The following CLDN16 variants were observed in gnomAD, a reference collection of about 807,000 sequenced individuals.
CLDN16 encodes claudin 16.
Under a neutral mutation model 24.6 loss-of-function variants are expected in CLDN16, and 13 were observed. The observed-to-expected ratio is 0.53, with a 90% CI of 0.34 to 0.84. CLDN16 has a LOEUF of 0.84. Among genes scored for constraint, CLDN16 ranks in the 40% least tolerant of loss-of-function variants. The probability of loss-of-function intolerance (pLI) is 0.01; values close to 1 mark genes in which losing one functional copy is unlikely to be tolerated. For synonymous variants in CLDN16, 116 were observed against 106.7 expected (o/e 1.09, Z -0.54); for missense variants, 298 against 292.7 (o/e 1.02, Z -0.13).
intron 1 of CLDN16, among the ~76,000 whole-genome samples, chr3:190,341,807 C>G (rs1717444992): frequency 6.6e-6 from 1 of 152,172 alleles, no homozygotes; most frequent in South Asian, 2.1e-4. Flanking sequence ...GCACTCAAGT[C>G]ACCTCTTGAA....
rs373271482 is a variant in CLDN16, at chr3:190,372,775, CAT to C, written n.231-1751_231-1750del. On this transcript the variant is annotated intron_variant and non_coding_transcript_variant, in intron 2 of 4. Transcript: ENST00000468220. ...CTTCAATCCTCTCCTTAAAGGAAAA[CAT>C]AAAAGCAGTCATTTGTCAAAGGCCT... Among the ~76,000 whole-genome samples the C allele has an allele frequency of 2.4e-4, 36 of 152,046 alleles. No homozygotes were observed. In the East Asian group the frequency reaches 4.5e-3, roughly 19 times the overall value.
At chr3:190,331,794 G>A (rs1717185040) in intron 1 of CLDN16, among the ~76,000 whole-genome samples, 1 of 152,164 alleles carries the variant, frequency 6.6e-6, no homozygotes, top group Non-Finnish European at 1.5e-5. Context: ...GTTATTTGCA[G>A]TTCTGTAGTT....
At chr3:190,353,553 A>G (rs73192432) in intron 1 of CLDN16, among the ~76,000 whole-genome samples, 1,975 of 152,228 alleles carry the variant, frequency 0.013, 21 homozygotes, top group Non-Finnish European at 0.019. Context: ...TGTGATCAAG[A>G]TGAAATAAAC....
At chr3:190,350,417 A>G (rs571515329) in intron 1 of CLDN16, among the ~76,000 whole-genome samples, 4 of 151,358 alleles carry the variant, frequency 2.6e-5, no homozygotes, top group Non-Finnish European at 5.9e-5. Flanking sequence ...TAAAGATATT[A>G]AAAATGACAA....
At chr3:190,356,842 T>C (rs906597304) in intron 1 of CLDN16, among the ~76,000 whole-genome samples, 4 of 152,038 alleles carry the variant, frequency 2.6e-5, no homozygotes, top group Middle Eastern at 3.4e-3. Context: ...AGGTTGAAAA[T>C]ATTTTATTAT....
the CLDN16 span, among the ~76,000 whole-genome samples, chr3:190,298,348 TAC>T: frequency 0.15 from 21,626 of 147,810 alleles, 1,701 homozygotes; most frequent in Non-Finnish European, 0.17. Flanking sequence ...ATGTATATTA[TAC>T]ACACACACAC....
At chr3:190,294,689 C>T in the CLDN16 span, among the ~76,000 whole-genome samples, 2 of 151,988 alleles carry the variant, frequency 1.3e-5, no homozygotes, top group African/African-American at 4.8e-5. Flanking sequence ...ACAATTTCTT[C>T]TGAAGAACAT....
At chr3:190,313,249 C>T in the CLDN16 span, 6 of 566,726 alleles carry the variant, frequency 1.1e-5, no homozygotes. Context: ...AAAAAGAGAT[C>T]CCTCCACTCC....
At chr3:190,310,230 C>T in the CLDN16 span, 1 of 1,613,542 alleles carries the variant, frequency 6.2e-7, no homozygotes, top group Non-Finnish European at 8.5e-7. Flanking sequence ...CCATACCATG[C>T]TGTGGCAACT....
intron 1 of CLDN16, among the ~76,000 whole-genome samples, chr3:190,391,572 GT>G (rs762106087): frequency 9.9e-5 from 15 of 152,162 alleles, no homozygotes; most frequent in Non-Finnish European, 1.6e-4. Flanking sequence ...TTGAAACGAT[GT>G]AAAGCATTTC....
At chr3:190,312,142 G>T in the CLDN16 span, among the ~76,000 whole-genome samples, 1 of 151,686 alleles carries the variant, frequency 6.6e-6, no homozygotes, top group Non-Finnish European at 1.5e-5. Flanking sequence ...TGTTGGCCAG[G>T]CTGGTCTTGA....
chr3:190,368,110 A>G (rs1718062013), intron 1 of CLDN16, among the ~76,000 whole-genome samples: 1 of 151,942 alleles, frequency 6.6e-6, no homozygotes, highest in Non-Finnish European at 1.5e-5. Flanking sequence ...GTATTCATAC[A>G]CTGTACAGTT....
chr3:190,314,695 C>T, the CLDN16 span, among the ~76,000 whole-genome samples: 4 of 152,050 alleles, frequency 2.6e-5, no homozygotes, highest in South Asian at 2.1e-4. Flanking sequence ...TGAGCCACTA[C>T]GCCTGGCCAT....
rs150949183 is a variant in CLDN16, at chr3:190,360,983, A to T, written n.122-9910A>T. Among the ~76,000 whole-genome samples the T allele has an allele frequency of 1.1e-3, 165 of 152,126 alleles. 1 individual carries two copies. The highest frequency in any genetic ancestry group is 3.8e-3 in the African/African-American group (156 of 41,538). On this transcript the variant is annotated intron_variant and non_coding_transcript_variant, in intron 1 of 4. Coordinates refer to the CLDN16 transcript ENST00000468220. ...ATACGTTGTTATTGTACTTGCTTTA[A>T]ACCATAAAATTATTTTTTAAGAATT... is the stretch of plus-strand genomic sequence containing the variant.
intron 1 of CLDN16, among the ~76,000 whole-genome samples, chr3:190,397,889 T>C (rs3774006): frequency 0.2 from 30,016 of 152,214 alleles, 3,234 homozygotes; most frequent in East Asian, 0.37. Flanking sequence ...TTTGGCAAGA[T>C]GGAAATACTC....
chr3:190,355,734 G>T lies in CLDN16; in HGVS notation n.122-15159G>T, dbSNP rs1012118176. 2.0e-5 allele frequency among the ~76,000 whole-genome samples: 3 copies of T among 151,702 alleles called. No homozygotes were observed. In the Admixed American group the frequency reaches 2.0e-4, roughly 10 times the overall value. ...TTAATGGAATATTCACATGCATTGA[G>T]ATTCTAGTGGTATGCACATAGCCAA... On this transcript the variant is annotated intron_variant and non_coding_transcript_variant, in intron 1 of 4. Transcript: ENST00000468220.
chr3:190,320,074 G>T (rs1285701965), upstream of CLDN16, among the ~76,000 whole-genome samples: 1 of 115,318 alleles, frequency 8.7e-6, no homozygotes, highest in Non-Finnish European at 1.8e-5. Flanking sequence ...AAGTGTGTGT[G>T]GGGGGGTAGG....
intron 1 of CLDN16, among the ~76,000 whole-genome samples, chr3:190,370,031 A>G (rs1196941891): frequency 6.6e-6 from 1 of 151,950 alleles, no homozygotes; most frequent in East Asian, 1.9e-4. Context: ...TAAATAGCTG[A>G]CATTCTTTTA....
At chr3:190,332,380 G>A (rs1717199139) in intron 1 of CLDN16, among the ~76,000 whole-genome samples, 1 of 152,022 alleles carries the variant, frequency 6.6e-6, no homozygotes. Flanking sequence ...AGACAGTAAG[G>A]GCTAAGATTT....
Sources: allele counts gnomAD v4.1 joint callset (sites outside exome capture counted in the v4.1 genomes callset), GRCh38; gene constraint gnomAD v4.1.1; transcripts MANE v1.5; gene names NCBI Gene and HGNC (gene_info 2026-07-23, HGNC 2026-07-21).